Variants in BTBD9 observed in about 807,000 individuals in gnomAD.
The protein encoded by BTBD9 is BTB/POZ domain-containing protein 9.
In BTBD9, 49 loss-of-function variants were observed where a neutral mutation model predicts 64.3. The observed-to-expected ratio is 0.76, with a 90% CI of 0.61 to 0.97. BTBD9 has a LOEUF of 0.97. Among genes scored for constraint, BTBD9 ranks in the 50% least tolerant of loss-of-function variants. The pLI, the probability that BTBD9 is intolerant of heterozygous loss-of-function variation, is 0.00. For synonymous variants in BTBD9, 260 were observed against 274.7 expected, an observed-to-expected ratio of 0.95 and a Z score of 0.53; for missense variants, 598 against 762.1, an observed-to-expected ratio of 0.78 and a Z score of 2.53.
chr6:38,599,435 A>G (rs1023018734), intron 1 of BTBD9, among the ~76,000 whole-genome samples: 8 of 152,128 alleles, frequency 5.3e-5, no homozygotes, highest in African/African-American at 1.7e-4. Context: ...ACAGGTGTAC[A>G]CCATCATGGC....
At chr6:38,238,716 G>A (rs971677874) in intron 9 of BTBD9, among the ~76,000 whole-genome samples, 2 of 151,956 alleles carry the variant, frequency 1.3e-5, no homozygotes, top group South Asian at 2.1e-4. Flanking sequence ...CTGTTGATCC[G>A]CCCACCTCGG....
intron 6 of BTBD9, among the ~76,000 whole-genome samples, chr6:38,536,866 A>T (rs1187509835): frequency 6.6e-6 from 1 of 152,164 alleles, no homozygotes; most frequent in East Asian, 1.9e-4. Context: ...ATGGGTACAA[A>T]AATCTAGTTA....
chr6:38,246,371 G>A (rs952595285), intron 9 of BTBD9, among the ~76,000 whole-genome samples: 21 of 152,082 alleles, frequency 1.4e-4, no homozygotes, highest in African/African-American at 4.3e-4. Flanking sequence ...GTGGCCTAAC[G>A]TATAGATGAC....
At chr6:38,192,142 T>C (rs3823431) in intron 10 of BTBD9, among the ~76,000 whole-genome samples, 2 of 152,022 alleles carry the variant, frequency 1.3e-5, no homozygotes, top group East Asian at 1.9e-4. Flanking sequence ...GTGATAAGTC[T>C]GCAGCACGGC....
chr6:38,480,627 A>G (rs1345022150), intron 6 of BTBD9, among the ~76,000 whole-genome samples: 2 of 152,210 alleles, frequency 1.3e-5, no homozygotes. Flanking sequence ...TTTTGCTTGT[A>G]GCTCAGCTAT....
chr6:38,364,882 G>A lies in BTBD9; in HGVS notation c.1155-19789C>T, dbSNP rs541842778. Among the ~76,000 whole-genome samples the A allele has an allele frequency of 2.0e-3, 299 of 152,284 alleles. 2 individuals are homozygous for A. Among genetic ancestry groups the A allele is most frequent in the African/African-American group, 4.0e-3 (167 of 41,580 alleles). On this transcript the variant is annotated intron_variant, in intron 6 of 10. Coordinates refer to ENST00000481247, the MANE Select transcript of BTBD9 (RefSeq NM_001099272.2). ...GAGAAAGAGAGATCTTCTCTGTTCT[G>A]AGACTTCTGGAGATCCTCAAAATCA...
At chr6:38,389,351 C>T (rs1766313245) in intron 6 of BTBD9, among the ~76,000 whole-genome samples, 1 of 152,122 alleles carries the variant, frequency 6.6e-6, no homozygotes, top group African/African-American at 2.4e-5. Context: ...AAAAAACAGG[C>T]AAATGCAATA....
intron 1 of BTBD9, among the ~76,000 whole-genome samples, chr6:38,600,697 A>G (rs1441297379): frequency 1.3e-5 from 2 of 152,158 alleles, no homozygotes; most frequent in African/African-American, 4.8e-5. Flanking sequence ...CATGGCTAAT[A>G]CTCATATTAC....
chr6:38,585,472 C>A (rs1046275551), intron 4 of BTBD9, among the ~76,000 whole-genome samples: 9 of 152,072 alleles, frequency 5.9e-5, no homozygotes, highest in African/African-American at 2.2e-4. Context: ...TCACACCCAG[C>A]TAATTTAAAA....
At chr6:38,473,174 A>G (rs1011353294) in intron 6 of BTBD9, among the ~76,000 whole-genome samples, 3 of 152,208 alleles carry the variant, frequency 2.0e-5, no homozygotes, top group African/African-American at 7.2e-5. Flanking sequence ...TGAAAATAAA[A>G]TGATAGCTTT....
chr6:38,484,519 C>T (rs1364885097), intron 6 of BTBD9, among the ~76,000 whole-genome samples: 1 of 152,126 alleles, frequency 6.6e-6, no homozygotes, highest in Non-Finnish European at 1.5e-5. Context: ...GTACCAAGAC[C>T]TCTGCTAAGG....
chr6:38,228,936 C>T (rs1414064674), intron 9 of BTBD9, among the ~76,000 whole-genome samples: 3 of 149,224 alleles, frequency 2.0e-5, no homozygotes, highest in African/African-American at 5.0e-5. Context: ...TGGTGGCTTA[C>T]GCCTGTAATC....
At chr6:38,383,246 TA>T (rs1192192725) in intron 6 of BTBD9, among the ~76,000 whole-genome samples, 1 of 152,198 alleles carries the variant, frequency 6.6e-6, no homozygotes, top group African/African-American at 2.4e-5. Flanking sequence ...ACATTAACTT[TA>T]AATGAGAAAA....
At chr6:38,395,770 T>G (rs971835611) in intron 6 of BTBD9, among the ~76,000 whole-genome samples, 1 of 151,430 alleles carries the variant, frequency 6.6e-6, no homozygotes, top group Non-Finnish European at 1.5e-5. Context: ...AGTGCAGCGG[T>G]GTGATCTCGG....
chr6:38,366,997 C>T (rs1324020641), intron 6 of BTBD9, among the ~76,000 whole-genome samples: 2 of 152,202 alleles, frequency 1.3e-5, no homozygotes, highest in Non-Finnish European at 2.9e-5. Flanking sequence ...AAGGTGAATA[C>T]AGATTCAAAG....
At chr6:38,431,861 T>C (rs1562177348) in intron 6 of BTBD9, among the ~76,000 whole-genome samples, 1 of 151,984 alleles carries the variant, frequency 6.6e-6, no homozygotes, top group East Asian at 1.9e-4. Context: ...CCAATCTCAT[T>C]TGGAATACAA....
chr6:38,426,345 C>T (rs1281667783), intron 6 of BTBD9, among the ~76,000 whole-genome samples: 1 of 151,900 alleles, frequency 6.6e-6, no homozygotes, highest in Admixed American at 6.5e-5. Flanking sequence ...GACAGCACGG[C>T]GGGAGGGACA....
intron 7 of BTBD9, among the ~76,000 whole-genome samples, chr6:38,290,169 G>A (rs559985035): frequency 4.2e-4 from 63 of 150,560 alleles, no homozygotes; most frequent in Middle Eastern, 6.8e-3. Flanking sequence ...AAGGAAGGGA[G>A]AGGAGGGAGA....
intron 9 of BTBD9, among the ~76,000 whole-genome samples, chr6:38,238,623 C>G (rs932519658): frequency 2.6e-5 from 4 of 152,082 alleles, no homozygotes; most frequent in Admixed American, 6.5e-5. Context: ...CAGGCGCCCA[C>G]CACCACGCCC....
Sources: allele counts gnomAD v4.1 joint callset (sites outside exome capture counted in the v4.1 genomes callset), GRCh38; gene constraint gnomAD v4.1.1; transcripts MANE v1.5; gene names NCBI Gene and HGNC (gene_info 2026-07-23, HGNC 2026-07-21).